ATP6V0A4: variants seen among roughly 807,000 people sequenced by gnomAD.
ATP6V0A4 encodes the protein ATPase H+ transporting V0 subunit a4, also known as V-type proton ATPase 116 kDa subunit a 4.
In ATP6V0A4, 86 loss-of-function variants were observed where a neutral mutation model predicts 107.3. That is an observed-to-expected ratio of 0.80 (90% CI 0.67 to 0.96). The LOEUF is 0.96. Among genes scored for constraint, ATP6V0A4 ranks in the 40% least tolerant of loss-of-function variants. ATP6V0A4 has a pLI of 0.00. For missense variants in ATP6V0A4, 908 were observed against 1,045.6 expected, an observed-to-expected ratio of 0.87 and a Z score of 1.81; for synonymous variants, 353 against 381.4, an observed-to-expected ratio of 0.93 and a Z score of 0.87.
At chr7:138,708,201 G>A (rs1388028294) in intron 21 of ATP6V0A4, among the ~76,000 whole-genome samples, 1 of 151,846 alleles carries the variant, frequency 6.6e-6, no homozygotes, top group Non-Finnish European at 1.5e-5. Context: ...ACAGGCATGC[G>A]CCACCACCCC....
At chr7:138,763,114 T>G in intron 5 of ATP6V0A4, 89 bp from the exon 6 acceptor site, 1 of 1,555,910 alleles carries the variant, frequency 6.4e-7, no homozygotes. Context: ...CTAAAAAAAA[T>G]CAAAGGAATC....
chr7:138,781,594 T>C (rs1461264735), intron 2 of ATP6V0A4, among the ~76,000 whole-genome samples: 1 of 152,212 alleles, frequency 6.6e-6, no homozygotes, highest in Non-Finnish European at 1.5e-5. Flanking sequence ...CCTCCCAAAG[T>C]GCTGGGATTA....
intron 13 of ATP6V0A4, among the ~76,000 whole-genome samples, chr7:138,745,825 T>C (rs1367822313): frequency 1.4e-5 from 2 of 146,268 alleles, no homozygotes; most frequent in African/African-American, 2.5e-5. Flanking sequence ...TGCACGTTAG[T>C]CGCAGTTACT....
In ATP6V0A4 at chr7:138,745,006, T is replaced by C. The variant is rs1006223446; in HGVS notation, c.1478+117A>G. 34 of 980,892 alleles carry C rather than the reference T, an allele frequency of 3.5e-5. No homozygotes were observed. In the African/African-American group the frequency reaches 5.1e-4, roughly 15 times the overall value. The allele number at this position is 980,892 out of a possible 1,614,324, so 60.8% of individuals were successfully genotyped here. ...GCATGAGCCACTGAGCCTGGCCTATTTGAATTTTCAAGTGCACCTCTGAGT... is the reference window on the plus strand; with the variant it reads ...GCATGAGCCACTGAGCCTGGCCTATCTGAATTTTCAAGTGCACCTCTGAGT... On this transcript the variant is annotated intron_variant, in intron 14 of 21. Coordinates refer to ENST00000310018, the MANE Select transcript of ATP6V0A4 (RefSeq NM_020632.3).
At chr7:138,716,353 T>C (rs1241700597) in intron 19 of ATP6V0A4, among the ~76,000 whole-genome samples, 2 of 151,866 alleles carry the variant, frequency 1.3e-5, no homozygotes, top group Admixed American at 6.6e-5. Context: ...AGGCAAGCTA[T>C]GGGTAAAGTT....
chr7:138,797,368 C>T (rs1230308080), intron 1 of ATP6V0A4, among the ~76,000 whole-genome samples: 1 of 151,958 alleles, frequency 6.6e-6, no homozygotes, highest in Non-Finnish European at 1.5e-5. Context: ...CAGGCATGCA[C>T]CACCACACCT....
At chr7:138,722,529 C>A (rs1021199176) in intron 18 of ATP6V0A4, among the ~76,000 whole-genome samples, 1 of 150,368 alleles carries the variant, frequency 6.7e-6, no homozygotes, top group East Asian at 2.0e-4. Context: ...GGCCAGGCAC[C>A]GTGGCTCACC....
At chr7:138,739,493 C>G (rs770710986) in intron 15 of ATP6V0A4, 47 bp downstream of exon 15, 1 of 1,605,856 alleles carries the variant, frequency 6.2e-7, no homozygotes, top group African/African-American at 1.3e-5. Flanking sequence ...GAGGTCTCCT[C>G]AAGATAGTTC....
chr7:138,792,136 A>G (rs555215139), intron 1 of ATP6V0A4, among the ~76,000 whole-genome samples: 10 of 152,218 alleles, frequency 6.6e-5, no homozygotes, highest in South Asian at 6.2e-4. Context: ...GTGAAACCCC[A>G]TCTCTACTAA....
At position 138,748,115 on chromosome 7, in the gene ATP6V0A4, T is replaced by A. The variant is rs528695262; in HGVS notation, c.1181-551A>T. 5.3e-5 allele frequency among the ~76,000 whole-genome samples: 8 copies of A among 151,736 alleles called. No homozygotes were observed. The East Asian group carries it at 1.6e-3, about 30-fold the overall frequency. ...TGTGCTGAGGCTTACAGAAGCTAAG[T>A]GACTTGTCAAAAATCACAAAGTCAA... On this transcript the variant is annotated intron_variant, in intron 12 of 21. Transcript: ENST00000310018.
At chr7:138,764,262 A>G (rs1806977653) in intron 5 of ATP6V0A4, among the ~76,000 whole-genome samples, 1 of 152,052 alleles carries the variant, frequency 6.6e-6, no homozygotes, top group South Asian at 2.1e-4. Flanking sequence ...AGGGGCACAC[A>G]GGTTTTTTGA....
chr7:138,758,739 ATTTTTTTTTTTT>A (rs398006555), intron 8 of ATP6V0A4, among the ~76,000 whole-genome samples: 5 of 59,202 alleles, frequency 8.4e-5, no homozygotes, highest in South Asian at 1.1e-3. Context: ...CTGACTCAGA[ATTTTTTTTTTTT>A]TTTTTTTTTT....
At chr7:138,779,751 T>C (rs1807837041) in intron 2 of ATP6V0A4, among the ~76,000 whole-genome samples, 1 of 152,230 alleles carries the variant, frequency 6.6e-6, no homozygotes, top group African/African-American at 2.4e-5. Context: ...ATTACTATGA[T>C]GTAAAATTAA....
chr7:138,706,493 TAC>T lies in ATP6V0A4; in HGVS notation c.*129_*130del, dbSNP rs1373609049. On this transcript the variant is annotated 3_prime_UTR_variant, in exon 22 of 22. Coordinates refer to ENST00000310018, the MANE Select transcript of ATP6V0A4 (RefSeq NM_020632.3). ...AATCCACAGGCTGACGTCCAAATAATACACAGTTTCATGCTTCAGGTGAGCCA... is the reference window on the plus strand; with the variant it reads ...AATCCACAGGCTGACGTCCAAATAATACAGTTTCATGCTTCAGGTGAGCCA... The T allele has an allele frequency of 3.5e-6, 4 of 1,130,168 alleles. No homozygotes were observed. The highest frequency in any genetic ancestry group is 1.5e-5 in the African/African-American group (1 of 64,938). The allele number at this position is 1,130,168 out of a possible 1,614,324, so 70.0% of individuals were successfully genotyped here.
intron 19 of ATP6V0A4, among the ~76,000 whole-genome samples, chr7:138,721,621 T>C (rs1172953265): frequency 2.6e-5 from 4 of 152,154 alleles, no homozygotes; most frequent in African/African-American, 4.8e-5. Context: ...TGTCACTAGA[T>C]CCGAGGCTGA....
intron 1 of ATP6V0A4, among the ~76,000 whole-genome samples, chr7:138,790,565 G>C (rs1563024068): frequency 6.6e-6 from 1 of 152,256 alleles, no homozygotes; most frequent in Non-Finnish European, 1.5e-5. Flanking sequence ...AAAATGCTGG[G>C]ATTTTAGGTG....
At chr7:138,745,004 A>T in intron 14 of ATP6V0A4, 119 bp downstream of exon 14, 1 of 954,300 alleles carries the variant, frequency 1.0e-6, no homozygotes, top group Non-Finnish European at 1.7e-6. Context: ...AGCCTGGCCT[A>T]TTTGAATTTT....
At chr7:138,762,633 A>G (rs1584934750) in intron 6 of ATP6V0A4, 199 bp from the exon 7 acceptor site, 2 of 609,536 alleles carry the variant, frequency 3.3e-6, no homozygotes, top group Non-Finnish European at 2.1e-6. Context: ...AAACTTCTCA[A>G]ACCAACTGCT....
At chr7:138,784,289 T>TATACACACATATATACAC (rs1554402651) in intron 2 of ATP6V0A4, among the ~76,000 whole-genome samples, 5 of 43,802 alleles carry the variant, frequency 1.1e-4, no homozygotes, top group African/African-American at 3.3e-4. Flanking sequence ...TACATATATA[T>TATACACACATATATACAC]ACACACACAC....
Sources: allele counts gnomAD v4.1 joint callset (sites outside exome capture counted in the v4.1 genomes callset), GRCh38; gene constraint gnomAD v4.1.1; transcripts MANE v1.5; gene names NCBI Gene and HGNC (gene_info 2026-07-23, HGNC 2026-07-21).